TRIM2: variants seen among roughly 807,000 people sequenced by gnomAD.
The protein encoded by TRIM2 is tripartite motif-containing protein 2.
A neutral mutation model predicts 75.2 loss-of-function variants in TRIM2; 20 were observed. The observed-to-expected ratio is 0.27, with a 90% confidence interval of 0.19 to 0.39. TRIM2 has a LOEUF of 0.39. Among genes scored for constraint, TRIM2 ranks in the 10% least tolerant of loss-of-function variants. The pLI, the probability that TRIM2 is intolerant of heterozygous loss-of-function variation, is 1.00. For missense variants in TRIM2, 660 were observed against 990.8 expected (o/e 0.67, Z 4.48); for synonymous variants, 373 against 388.3 (o/e 0.96, Z 0.46).
intron 6 of TRIM2, among the ~76,000 whole-genome samples, chr4:153,305,200 C>A (rs2150187979): frequency 1.3e-5 from 2 of 152,326 alleles, no homozygotes; most frequent in Middle Eastern, 3.4e-3. Context: ...CCCAACACTG[C>A]TACTTTTCTA....
chr4:153,311,922 A>T lies in TRIM2; in HGVS notation c.1511-3563A>T, dbSNP rs1284448325. Among the ~76,000 whole-genome samples the T allele has an allele frequency of 2.1e-5, 3 of 144,748 alleles. No individual in the cohort carries two copies. The East Asian group carries it at 5.9e-4, about 28-fold the overall frequency. 95.0% of individuals were successfully genotyped at this position (144,748 alleles called of 152,430 possible). ...TATTTATTTATTTATTTATTTATTTATTATTATTATACTTTAAGTTTTAGG... is the reference window on the plus strand; with the variant it reads ...TATTTATTTATTTATTTATTTATTTTTTATTATTATACTTTAAGTTTTAGG... On this transcript the variant is annotated intron_variant, in intron 6 of 11. Transcript: ENST00000338700.
rs951878350 is a variant in TRIM2 at position 153,209,567 on chromosome 4, G to A, written c.30+5007G>A. On this transcript the variant is annotated intron_variant, in intron 1 of 11. Coordinates refer to ENST00000338700, the MANE Select transcript of TRIM2 (RefSeq NM_015271.5). ...CTGTCCACCTGTGCCTTCAAGTACC[G>A]TACTTAACAAGTTGGAACCGAGGGA... Among the ~76,000 whole-genome samples, 14 of 152,214 alleles carry A rather than the reference G, an allele frequency of 9.2e-5. No homozygotes were observed. In the South Asian group the frequency reaches 2.3e-3, roughly 25 times the overall value.
At chr4:153,305,717 G>A (rs957397940) in intron 6 of TRIM2, among the ~76,000 whole-genome samples, 3 of 152,156 alleles carry the variant, frequency 2.0e-5, no homozygotes, top group Non-Finnish European at 2.9e-5. Context: ...CCTCCAAAAT[G>A]GTATTGATCT....
intron 8 of TRIM2, among the ~76,000 whole-genome samples, chr4:153,321,736 A>T (rs1769031847): frequency 6.6e-6 from 1 of 152,288 alleles, no homozygotes; most frequent in Non-Finnish European, 1.5e-5. Context: ...TTAATGCTAG[A>T]TGCCAGGCAA....
In TRIM2 at chr4:153,275,408, G is replaced by A. The variant is rs143026058; in HGVS notation, c.216-485G>A. 7.6e-4 allele frequency among the ~76,000 whole-genome samples: 116 copies of A among 152,214 alleles called. 3 individuals are homozygous for A. In the East Asian group the frequency reaches 0.018, roughly 24 times the overall value. ...TTTATATCTCATTATGATTTTGTACGTAAGAAGAATTTTATTGCTAACAAA... is the reference window on the plus strand; with the variant it reads ...TTTATATCTCATTATGATTTTGTACATAAGAAGAATTTTATTGCTAACAAA... On this transcript the variant is annotated intron_variant, in intron 2 of 11. Transcript: ENST00000338700.
intron 3 of TRIM2, among the ~76,000 whole-genome samples, chr4:153,288,844 T>C (rs2150117922): frequency 6.6e-6 from 1 of 152,168 alleles, no homozygotes; most frequent in Non-Finnish European, 1.5e-5. Flanking sequence ...AACCTTCTTC[T>C]TCCTGCTTGA....
intron 1 of TRIM2, among the ~76,000 whole-genome samples, chr4:153,260,543 C>G (rs536390212): frequency 2.6e-4 from 39 of 151,986 alleles, no homozygotes; most frequent in Non-Finnish European, 5.0e-4. Flanking sequence ...ACCAGTTCAT[C>G]TGAGGAAGCT....
At chr4:153,242,800 G>T (rs1398858635) in intron 1 of TRIM2, among the ~76,000 whole-genome samples, 2 of 152,336 alleles carry the variant, frequency 1.3e-5, no homozygotes, top group South Asian at 2.1e-4. Flanking sequence ...TGAGATCTGC[G>T]AATGGCTTTG....
intron 1 of TRIM2, among the ~76,000 whole-genome samples, chr4:153,240,576 T>C (rs548906514): frequency 1.3e-5 from 2 of 152,362 alleles, no homozygotes; most frequent in East Asian, 3.9e-4. Flanking sequence ...AGAAGGTTAC[T>C]ACCTACGCTT....
chr4:153,216,200 G>A (rs1738431394), intron 1 of TRIM2, among the ~76,000 whole-genome samples: 1 of 152,190 alleles, frequency 6.6e-6, no homozygotes, highest in Non-Finnish European at 1.5e-5. Context: ...TATTGAGTAA[G>A]CATCCCTGGA....
rs917823655 is a variant in TRIM2, at chr4:153,335,614, T to G, written c.*648T>G. Reference sequence around the variant, plus strand: ...TAGACAAAGATCCTTTTTTGTGTGTTCTTTTCACCACCCCTTTGGCTCACC... The same window carrying G: ...TAGACAAAGATCCTTTTTTGTGTGTGCTTTTCACCACCCCTTTGGCTCACC... On this transcript the variant is annotated 3_prime_UTR_variant, in exon 12 of 12. Coordinates refer to ENST00000338700, the MANE Select transcript of TRIM2 (RefSeq NM_015271.5). 5 of 985,326 alleles carry G rather than the reference T, an allele frequency of 5.1e-6. No homozygotes were observed. Among genetic ancestry groups the G allele is most frequent in the Non-Finnish European group, 6.0e-6 (5 of 829,942 alleles). 61.0% of individuals were successfully genotyped at this position (985,326 alleles called of 1,614,324 possible).
intron 8 of TRIM2, among the ~76,000 whole-genome samples, chr4:153,321,093 C>T (rs889571590): frequency 6.6e-6 from 1 of 152,106 alleles, no homozygotes; most frequent in Non-Finnish European, 1.5e-5. Flanking sequence ...TCTGCTGTGG[C>T]GTCATCAAGT....
rs1470965446 is a variant in TRIM2, at chr4:153,295,977, T to A, written c.1451T>A (p.Met484Lys). The change falls in exon 6 of 12, where the codon ATG becomes AAG. Residue 484 changes from methionine (M) to lysine (K), a missense_variant. Coordinates refer to ENST00000338700, the MANE Select transcript of TRIM2 (RefSeq NM_015271.5). This position sits in a 1 kb window ranked among gnomAD's most constrained non-coding sequence, Gnocchi z 7.2. ...AAAGCTGTGAAAAGACCCGCAAGCA[T>A]GTACAGCACTGGAAAACGAAAAGAG... ...KQKAVKRPAS[M>K]YSTGKRKENP... 110 of 1,544,362 alleles carry A rather than the reference T, an allele frequency of 7.1e-5. No individual in the cohort carries two copies. Among genetic ancestry groups the A allele is most frequent in the Non-Finnish European group, 9.3e-5 (107 of 1,148,800 alleles).
At chr4:153,247,677 CAAAA>C (rs1183914263) in intron 1 of TRIM2, among the ~76,000 whole-genome samples, 1,266 of 79,518 alleles carry the variant, frequency 0.016, 9 homozygotes, top group Middle Eastern at 0.048. Flanking sequence ...GACTCTGTCT[CAAAA>C]AAAAAAAAAA....
chr4:153,227,368 CTGCT>C (rs1742417992), intron 1 of TRIM2, among the ~76,000 whole-genome samples: 1 of 152,178 alleles, frequency 6.6e-6, no homozygotes, highest in Non-Finnish European at 1.5e-5. Flanking sequence ...CATAGAAACA[CTGCT>C]TGAGAGTGAA....
At chr4:153,160,743 C>T (rs1729659516) in intron 1 of TRIM2, among the ~76,000 whole-genome samples, 1 of 152,160 alleles carries the variant, frequency 6.6e-6, no homozygotes, top group Admixed American at 6.5e-5. Context: ...TATAGGCATG[C>T]ACCACCACAC....
chr4:153,176,900 C>T (rs781202687), intron 1 of TRIM2, among the ~76,000 whole-genome samples: 2 of 152,170 alleles, frequency 1.3e-5, no homozygotes, highest in African/African-American at 2.4e-5. Flanking sequence ...TGTGAGCCAC[C>T]GCACCTAGCC....
upstream of TRIM2, among the ~76,000 whole-genome samples, chr4:153,200,634 C>T (rs1338848664): frequency 6.6e-6 from 1 of 151,158 alleles, no homozygotes; most frequent in Non-Finnish European, 1.5e-5. Flanking sequence ...GCAGCTGAAC[C>T]ATTTTACATT....
In TRIM2 at chr4:153,270,493, C is replaced by T. The variant is rs558845725; in HGVS notation, c.189C>T (p.Leu63=). Residue 63 remains leucine, a synonymous_variant, in exon 2 of 12, where the codon CTC becomes CTT. Coordinates refer to ENST00000338700, the MANE Select transcript of TRIM2 (RefSeq NM_015271.5). ...AACGGTACAAGAATCCCAAGGTTCTCCCCTGTCTGCACACTTTCTGCGAGA... is the reference window on the plus strand; with the variant it reads ...AACGGTACAAGAATCCCAAGGTTCTTCCCTGTCTGCACACTTTCTGCGAGA... ...CLERYKNPKV[L]PCLHTFCERC... is the part of the protein sequence containing the mutation. The T allele has an allele frequency of 3.7e-6, 6 of 1,611,568 alleles. No homozygotes were observed. The highest frequency in any genetic ancestry group is 3.3e-5 in the South Asian group (3 of 90,358).
Sources: allele counts gnomAD v4.1 joint callset (sites outside exome capture counted in the v4.1 genomes callset), GRCh38; gene constraint gnomAD v4.1.1; non-coding constraint Gnocchi (gnomAD v3.1); transcripts MANE v1.5; gene names NCBI Gene and HGNC (gene_info 2026-07-23, HGNC 2026-07-21).